Variants in SGK3 observed in about 807,000 individuals in gnomAD.
SGK3 encodes serine/threonine-protein kinase Sgk3.
SGK3 carries 47 observed loss-of-function variants against 68.5 expected under a neutral mutation model. That is an observed-to-expected ratio of 0.69 (90% CI 0.54 to 0.87). The LOEUF (loss-of-function observed/expected upper bound fraction) is 0.87. SGK3 is among the 40% of genes least tolerant of loss of function. The probability of loss-of-function intolerance (pLI) is 0.00; values close to 1 mark genes in which losing one functional copy is unlikely to be tolerated. For synonymous variants in SGK3, 181 were observed against 189.1 expected, an observed-to-expected ratio of 0.96 and a Z score of 0.35; for missense variants, 479 against 575.5, an observed-to-expected ratio of 0.83 and a Z score of 1.72.
chr8:66,826,682 T>G (rs912647049), intron 6 of SGK3, among the ~76,000 whole-genome samples: 1 of 152,172 alleles, frequency 6.6e-6, no homozygotes, highest in African/African-American at 2.4e-5. Flanking sequence ...TCTCATTTTG[T>G]CACCCACGGT....
At chr8:66,740,905 T>TC in intron 1 of SGK3, among the ~76,000 whole-genome samples, 1 of 66,774 alleles carries the variant, frequency 1.5e-5, no homozygotes, top group South Asian at 5.1e-4. Context: ...AGACTCTGTC[T>TC]CAAAAAAAAA....
chr8:66,779,380 C>T (rs1046721520), intron 1 of SGK3, among the ~76,000 whole-genome samples: 2 of 151,540 alleles, frequency 1.3e-5, no homozygotes, highest in Non-Finnish European at 2.9e-5. Context: ...TCTCCTGTGG[C>T]CTTCCAAACC....
intron 1 of SGK3, among the ~76,000 whole-genome samples, chr8:66,747,937 A>T (rs1805698731): frequency 6.6e-6 from 1 of 152,176 alleles, no homozygotes; most frequent in African/African-American, 2.4e-5. Context: ...TTAGTGTTGG[A>T]CAGGCCTGGG....
chr8:66,728,932 A>T (rs1183238340), intron 1 of SGK3, among the ~76,000 whole-genome samples: 1 of 151,632 alleles, frequency 6.6e-6, no homozygotes, highest in Admixed American at 6.6e-5. Flanking sequence ...AAAAAAAAAA[A>T]TCTGGACTGG....
chr8:66,719,968 G>A (rs2130329593), intron 1 of SGK3, among the ~76,000 whole-genome samples: 1 of 152,262 alleles, frequency 6.6e-6, no homozygotes, highest in Non-Finnish European at 1.5e-5. Flanking sequence ...GGCTTGCTTT[G>A]TTGGTTAGAG....
intron 6 of SGK3, 122 bp from the exon 7 acceptor site, chr8:66,828,532 G>C: frequency 7.3e-7 from 1 of 1,375,004 alleles, no homozygotes; most frequent in South Asian, 1.3e-5. Flanking sequence ...AGGACTTTGG[G>C]TTTCTTTAAC....
intron 10 of SGK3, among the ~76,000 whole-genome samples, chr8:66,837,471 T>C (rs1199735595): frequency 6.6e-6 from 1 of 152,164 alleles, no homozygotes; most frequent in Non-Finnish European, 1.5e-5. Flanking sequence ...TATTCACCTT[T>C]CTACATCTGT....
chr8:66,791,785 C>G (rs2130566174), intron 1 of SGK3, among the ~76,000 whole-genome samples: 1 of 152,230 alleles, frequency 6.6e-6, no homozygotes, highest in South Asian at 2.1e-4. Flanking sequence ...AATGTGGCTT[C>G]TGAGGTTCCA....
chr8:66,734,856 A>G (rs1805271605), intron 1 of SGK3, among the ~76,000 whole-genome samples: 1 of 151,604 alleles, frequency 6.6e-6, no homozygotes, highest in Non-Finnish European at 1.5e-5. Context: ...CTGAGGCAGG[A>G]GAATCGCTTG....
rs145821093 is a variant in SGK3, at chr8:66,795,158, C to T, written c.96+1326C>T. 1.6e-4 allele frequency among the ~76,000 whole-genome samples: 25 copies of T among 152,366 alleles called. No individual in the cohort carries two copies. In the East Asian group the frequency reaches 4.8e-3, roughly 29 times the overall value. On this transcript the variant is annotated intron_variant, in intron 2 of 16. Coordinates refer to ENST00000521198, the MANE Select transcript of SGK3 (RefSeq NM_001033578.3). ...TGTCACAGGGCAGTTGAGGAAATCT[C>T]TCTGCCTTCTTAACTAGGTGGGGCT...
At chr8:66,827,190 T>C (rs1809095172) in intron 6 of SGK3, among the ~76,000 whole-genome samples, 1 of 151,392 alleles carries the variant, frequency 6.6e-6, no homozygotes, top group Non-Finnish European at 1.5e-5. Context: ...AAGACCAGCC[T>C]GGTCAACATG....
chr8:66,752,885 G>T (rs1805864272), intron 1 of SGK3, among the ~76,000 whole-genome samples: 2 of 152,100 alleles, frequency 1.3e-5, no homozygotes, highest in African/African-American at 4.8e-5. Context: ...GTCTCACTCT[G>T]TTGTCCAGAC....
intron 15 of SGK3, among the ~76,000 whole-genome samples, chr8:66,850,483 G>A (rs1004035021): frequency 2.0e-5 from 3 of 152,056 alleles, no homozygotes; most frequent in African/African-American, 7.2e-5. Flanking sequence ...TAACTCTGTA[G>A]TGCTTTATTC....
At chr8:66,835,451 A>G (rs1433785607) in intron 8 of SGK3, among the ~76,000 whole-genome samples, 5 of 152,156 alleles carry the variant, frequency 3.3e-5, no homozygotes, top group African/African-American at 1.2e-4. Context: ...TTCTACAGGC[A>G]ATATTTTCTC....
intron 5 of SGK3, among the ~76,000 whole-genome samples, chr8:66,819,558 A>G (rs1401708934): frequency 2.0e-5 from 3 of 152,188 alleles, no homozygotes; most frequent in Non-Finnish European, 4.4e-5. Context: ...CAAAGTTTTT[A>G]ACAAGATGGG....
chr8:66,748,211 T>C (rs184537807), intron 1 of SGK3, among the ~76,000 whole-genome samples: 29 of 152,320 alleles, frequency 1.9e-4, no homozygotes, highest in Non-Finnish European at 5.9e-5. Flanking sequence ...GAAAATTATA[T>C]AATATAAATC....
At chr8:66,832,685 ACT>A (rs1355606419) in intron 8 of SGK3, among the ~76,000 whole-genome samples, 2 of 151,956 alleles carry the variant, frequency 1.3e-5, no homozygotes, top group Non-Finnish European at 2.9e-5. Flanking sequence ...CAGGAAGATC[ACT>A]TGAGTTCAGG....
At chr8:66,820,128 G>A (rs756570366) in intron 5 of SGK3, among the ~76,000 whole-genome samples, 31 of 152,156 alleles carry the variant, frequency 2.0e-4, no homozygotes, top group Non-Finnish European at 4.4e-4. Context: ...GTAGTTTTTA[G>A]TGTATTCACG....
At chr8:66,836,713 A>AT (rs1809547875) in intron 10 of SGK3, among the ~76,000 whole-genome samples, 1 of 151,210 alleles carries the variant, frequency 6.6e-6, no homozygotes, top group African/African-American at 2.4e-5. Flanking sequence ...GTGATTCACA[A>AT]TATGCCTCAG....
Sources: allele counts gnomAD v4.1 joint callset (sites outside exome capture counted in the v4.1 genomes callset), GRCh38; gene constraint gnomAD v4.1.1; transcripts MANE v1.5; gene names NCBI Gene and HGNC (gene_info 2026-07-23, HGNC 2026-07-21).